Variants in FAM81B observed in about 807,000 individuals in gnomAD.
The protein encoded by FAM81B is protein FAM81B.
Under a neutral mutation model 58.7 loss-of-function variants are expected in FAM81B, and 60 were observed. The ratio of observed to expected loss-of-function variants is 1.02; its 90% CI spans 0.83 to 1.27. The LOEUF is 1.27. FAM81B is among the 50% of genes most tolerant of loss of function. FAM81B has a pLI of 0.00. For synonymous variants in FAM81B, 189 were observed against 179.6 expected, an observed-to-expected ratio of 1.05 and a Z score of -0.42; for missense variants, 491 against 522.0, an observed-to-expected ratio of 0.94 and a Z score of 0.58.
intron 9 of FAM81B, among the ~76,000 whole-genome samples, chr5:95,449,388 T>G (rs1745707404): frequency 6.6e-6 from 1 of 152,228 alleles, no homozygotes; most frequent in African/African-American, 2.4e-5. Flanking sequence ...GGCCCTTCTT[T>G]TAAAGGCTCT....
At chr5:95,403,548 G>T (rs1438401976) in intron 3 of FAM81B, among the ~76,000 whole-genome samples, 1 of 152,178 alleles carries the variant, frequency 6.6e-6, no homozygotes, top group Non-Finnish European at 1.5e-5. Context: ...TAGAAATACT[G>T]ATTAGCTCAT....
At position 95,420,346 on chromosome 5, in the gene FAM81B, C is replaced by T. The variant is rs373840204; in HGVS notation, c.600C>T (p.His200=). 181 of 1,613,716 alleles carry T rather than the reference C, an allele frequency of 1.1e-4. 1 individual carries two copies. Among genetic ancestry groups the T allele is most frequent in the Non-Finnish European group, 1.4e-4 (170 of 1,179,760 alleles). ...CCACAGGAACTAACTTTGCAGTACA[C>T]GAGATAAACATCAAACACCTACAAG... ...QAATGTNFAV[H]EINIKHLQGV... is the part of the protein sequence containing the mutation. The change falls in exon 5 of 10, where the codon CAC becomes CAT. Residue 200 remains histidine (H), a synonymous_variant. Coordinates refer to ENST00000283357, the MANE Select transcript of FAM81B (RefSeq NM_152548.3).
chr5:95,426,243 G>T (rs1384128648), intron 5 of FAM81B, among the ~76,000 whole-genome samples: 2 of 151,622 alleles, frequency 1.3e-5, no homozygotes, highest in East Asian at 3.9e-4. Flanking sequence ...GTTCTTTGAG[G>T]CATGATATGA....
chr5:95,438,313 C>G (rs1251765343), intron 7 of FAM81B, among the ~76,000 whole-genome samples: 1 of 151,818 alleles, frequency 6.6e-6, no homozygotes, highest in Non-Finnish European at 1.5e-5. Flanking sequence ...AGAAAACTGT[C>G]CAAAGGAAAA....
In FAM81B at chr5:95,401,487, C is replaced by G. The variant is rs183050192; in HGVS notation, c.293+5312C>G. ...CCAGGGTGGTTATAAACAAGCAACA[C>G]AGAAACTATAGAAAATGTTTTTTCT... On this transcript the variant is annotated intron_variant, in intron 3 of 9. Coordinates refer to ENST00000283357, the MANE Select transcript of FAM81B (RefSeq NM_152548.3). Among the ~76,000 whole-genome samples the G allele has an allele frequency of 4.1e-3, 629 of 152,232 alleles. 3 individuals carry two copies. The highest frequency in any genetic ancestry group is 0.012 in the South Asian group (57 of 4,810).
chr5:95,423,311 G>A (rs907915015), intron 5 of FAM81B, among the ~76,000 whole-genome samples: 7 of 152,120 alleles, frequency 4.6e-5, no homozygotes, highest in African/African-American at 1.7e-4. Context: ...TCCCAAAGTT[G>A]CCAGCCTGCT....
chr5:95,411,714 C>G (rs922446323), intron 3 of FAM81B, among the ~76,000 whole-genome samples: 1 of 152,150 alleles, frequency 6.6e-6, no homozygotes, highest in Non-Finnish European at 1.5e-5. Flanking sequence ...GAGCTGAGAT[C>G]TTAAGAAATT....
At chr5:95,412,682 A>G (rs1561297203) in intron 3 of FAM81B, among the ~76,000 whole-genome samples, 1 of 152,174 alleles carries the variant, frequency 6.6e-6, no homozygotes, top group Non-Finnish European at 1.5e-5. Flanking sequence ...TGGTTTGGGG[A>G]TTCTACTAAA....
At chr5:95,413,339 T>G (rs1003025520) in intron 3 of FAM81B, among the ~76,000 whole-genome samples, 5 of 152,144 alleles carry the variant, frequency 3.3e-5, no homozygotes, top group African/African-American at 1.2e-4. Context: ...GTCAAGGGAT[T>G]TTAAACTTTA....
intron 4 of FAM81B, among the ~76,000 whole-genome samples, chr5:95,414,786 G>A (rs1438424420): frequency 1.3e-5 from 2 of 152,148 alleles, no homozygotes; most frequent in East Asian, 1.9e-4. Flanking sequence ...TCGTAACAGA[G>A]GATTTGCATG....
In FAM81B at chr5:95,435,251, A is replaced by C. The variant is rs538478095; in HGVS notation, c.787-1549A>C. Among the ~76,000 whole-genome samples, 10 of 152,304 alleles carry C rather than the reference A, an allele frequency of 6.6e-5. No individual in the cohort carries two copies. The South Asian group carries it at 1.0e-3, about 16-fold the overall frequency. On this transcript the variant is annotated intron_variant, in intron 6 of 9. Coordinates refer to ENST00000283357, the MANE Select transcript of FAM81B (RefSeq NM_152548.3). ...AGGCACATTTTCATGTGAAACACTA[A>C]AATCAAGAGTGGGTTTTTTGTTGCT...
intron 7 of FAM81B, among the ~76,000 whole-genome samples, chr5:95,439,105 T>C (rs1745213330): frequency 6.6e-6 from 1 of 150,740 alleles, no homozygotes; most frequent in Non-Finnish European, 1.5e-5. Flanking sequence ...CAACCATTTA[T>C]CTTATTGCTG....
intron 6 of FAM81B, among the ~76,000 whole-genome samples, chr5:95,431,712 C>A (rs1341996237): frequency 1.3e-5 from 2 of 151,828 alleles, no homozygotes; most frequent in East Asian, 1.9e-4. Context: ...ATTTTGAAAT[C>A]TTTTTCTTTT....
chr5:95,431,898 AGC>A (rs1363284914), intron 6 of FAM81B, among the ~76,000 whole-genome samples: 1 of 151,908 alleles, frequency 6.6e-6, no homozygotes, highest in Non-Finnish European at 1.5e-5. Context: ...TAATAATTTT[AGC>A]TCATGTTTTT....
At chr5:95,422,453 T>C (rs1237925666) in intron 5 of FAM81B, among the ~76,000 whole-genome samples, 7 of 152,142 alleles carry the variant, frequency 4.6e-5, no homozygotes, top group Admixed American at 4.6e-4. Flanking sequence ...GCCAAGATTC[T>C]GCAAAGAAGA....
At position 95,420,413 on chromosome 5, in the gene FAM81B, G is replaced by T. The variant is rs1416952757; in HGVS notation, c.656+11G>T. The T allele has an allele frequency of 3.1e-6, 5 of 1,613,354 alleles. No individual in the cohort carries two copies. The highest frequency in any genetic ancestry group is 4.2e-6 in the Non-Finnish European group (5 of 1,179,476). On this transcript the variant is annotated intron_variant, in intron 5 of 9. Transcript: ENST00000283357. Reference sequence around the variant, plus strand: ...AGGAAGAGTAGCCAGGTGAGAAGAAGCATGTTGACTAATGTTTAACAGTGA... The same window carrying T: ...AGGAAGAGTAGCCAGGTGAGAAGAATCATGTTGACTAATGTTTAACAGTGA...
intron 3 of FAM81B, among the ~76,000 whole-genome samples, chr5:95,407,458 G>A (rs1343880764): frequency 6.6e-6 from 1 of 152,006 alleles, no homozygotes; most frequent in African/African-American, 2.4e-5. Context: ...ACACCTGCCA[G>A]CTCAGGCAAT....
intron 1 of FAM81B, among the ~76,000 whole-genome samples, chr5:95,392,080 T>C (rs1761836332): frequency 6.6e-6 from 1 of 152,140 alleles, no homozygotes; most frequent in Non-Finnish European, 1.5e-5. Flanking sequence ...CTGTTCACAA[T>C]AGCAAAGACT....
At chr5:95,436,754 C>T (rs767658427) in intron 6 of FAM81B, 46 bp from the exon 7 acceptor site, 1 of 1,185,228 alleles carries the variant, frequency 8.4e-7, no homozygotes, top group African/African-American at 1.5e-5. Flanking sequence ...AATGTGAATG[C>T]TGGTGGTTTT....
Sources: gnomAD v4.1 joint callset for allele counts (sites outside exome capture counted in the v4.1 genomes callset) on GRCh38, gnomAD v4.1.1 for gene constraint, MANE v1.5 for transcripts, NCBI Gene and HGNC (gene_info 2026-07-23, HGNC 2026-07-21) for gene names.